ST6GALNAC3: variants seen among roughly 807,000 people sequenced by gnomAD.
ST6GALNAC3 encodes the protein alpha-N-acetylgalactosaminide alpha-2,6-sialyltransferase 3.
Under a neutral mutation model 32.7 loss-of-function variants are expected in ST6GALNAC3, and 25 were observed. That is an observed-to-expected ratio of 0.76 (90% CI 0.56 to 1.07). The LOEUF is 1.07. Among genes scored for constraint, ST6GALNAC3 ranks in the 50% least tolerant of loss-of-function variants. The pLI is 0.00. For missense variants in ST6GALNAC3, 355 were observed against 382.4 expected, an observed-to-expected ratio of 0.93 and a Z score of 0.60; for synonymous variants, 129 against 133.1, an observed-to-expected ratio of 0.97 and a Z score of 0.21.
At chr1:76,195,234 A>G (rs945748394) in intron 1 of ST6GALNAC3, among the ~76,000 whole-genome samples, 1 of 152,348 alleles carries the variant, frequency 6.6e-6, no homozygotes, top group Non-Finnish European at 1.5e-5. Context: ...ACATCTGCCA[A>G]CTGCCCACAT....
At chr1:76,205,603 G>A (rs565594463) in intron 1 of ST6GALNAC3, among the ~76,000 whole-genome samples, 1 of 152,290 alleles carries the variant, frequency 6.6e-6, no homozygotes, top group South Asian at 2.1e-4. Context: ...AAGTTAGCAT[G>A]CAGTTATGAA....
At chr1:76,198,557 T>C (rs2100531079) in intron 1 of ST6GALNAC3, among the ~76,000 whole-genome samples, 1 of 152,290 alleles carries the variant, frequency 6.6e-6, no homozygotes, top group Non-Finnish European at 1.5e-5. Flanking sequence ...ACACTTAAGA[T>C]ATAATTAGGA....
intron 1 of ST6GALNAC3, among the ~76,000 whole-genome samples, chr1:76,080,661 A>T (rs1646881733): frequency 6.6e-6 from 1 of 152,038 alleles, no homozygotes; most frequent in Non-Finnish European, 1.5e-5. Flanking sequence ...TCAAAAACCA[A>T]ACACCCACAA....
intron 3 of ST6GALNAC3, among the ~76,000 whole-genome samples, chr1:76,522,776 G>A (rs1268298518): frequency 6.6e-6 from 1 of 152,162 alleles, no homozygotes; most frequent in Non-Finnish European, 1.5e-5. Flanking sequence ...TTAAAGCGGT[G>A]ATCAGATTAA....
chr1:76,186,907 T>A (rs1215750340), intron 1 of ST6GALNAC3, among the ~76,000 whole-genome samples: 1 of 152,206 alleles, frequency 6.6e-6, no homozygotes, highest in African/African-American at 2.4e-5. Context: ...AGATGAGCAG[T>A]GTTTTCACCT....
At chr1:76,222,778 C>T (rs1279364433) in intron 1 of ST6GALNAC3, among the ~76,000 whole-genome samples, 1 of 152,036 alleles carries the variant, frequency 6.6e-6, no homozygotes, top group Non-Finnish European at 1.5e-5. Context: ...GACATGCAAA[C>T]AGCTGACAAG....
intron 1 of ST6GALNAC3, among the ~76,000 whole-genome samples, chr1:76,252,244 A>G (rs1657663013): frequency 6.6e-6 from 1 of 152,182 alleles, no homozygotes; most frequent in South Asian, 2.1e-4. Flanking sequence ...TTTAGAAGTC[A>G]GAAGAGATTT....
chr1:76,422,600 C>T (rs1655099264), intron 3 of ST6GALNAC3, among the ~76,000 whole-genome samples: 1 of 151,996 alleles, frequency 6.6e-6, no homozygotes, highest in South Asian at 2.1e-4. Context: ...GATTAAAACA[C>T]AGATTGCTGG....
In ST6GALNAC3 at chr1:76,127,612, G is replaced by T. The variant is rs888545095; in HGVS notation, c.18+52728G>T. On this transcript the variant is annotated intron_variant, in intron 1 of 4. Transcript: ENST00000328299. ...AATATTTTACATGGATTATGTCATG[G>T]ATCTCTTGCCATGATCCTGAGGAAA... 5.3e-5 allele frequency among the ~76,000 whole-genome samples: 8 copies of T among 152,166 alleles called. No individual in the cohort carries two copies. In the East Asian group the frequency reaches 1.5e-3, roughly 29 times the overall value.
intron 3 of ST6GALNAC3, among the ~76,000 whole-genome samples, chr1:76,450,117 G>C (rs1429522601): frequency 3.9e-5 from 6 of 152,248 alleles, no homozygotes; most frequent in African/African-American, 1.4e-4. Context: ...GGATCAAATG[G>C]TAGTTCTACT....
chr1:76,630,235 A>G lies in ST6GALNAC3; in HGVS notation c.*1429A>G. On this transcript the variant is annotated 3_prime_UTR_variant, in exon 5 of 5. Transcript: ENST00000328299. ...TCTGTGCCAAATACATTATATCAGG[A>G]TTACACAAAAAGTATCACAAAGGAT... 1 of 985,252 alleles carries G rather than the reference A, an allele frequency of 1.0e-6. No homozygotes were observed. Among genetic ancestry groups the G allele is most frequent in the East Asian group, 1.1e-4 (1 of 8,810 alleles). 61.0% of individuals were successfully genotyped at this position (985,252 alleles called of 1,614,324 possible). A position where few individuals can be genotyped will look rare whatever the true frequency, so the allele number is the denominator to read the frequency against.
intron 3 of ST6GALNAC3, among the ~76,000 whole-genome samples, chr1:76,583,924 AT>A (rs548207175): frequency 1.3e-5 from 2 of 152,170 alleles, no homozygotes; most frequent in African/African-American, 4.8e-5. Context: ...AGATCTCCAT[AT>A]TTTTTTCAGG....
intron 3 of ST6GALNAC3, among the ~76,000 whole-genome samples, chr1:76,604,073 G>A (rs1363710718): frequency 1.3e-5 from 2 of 152,136 alleles, no homozygotes; most frequent in African/African-American, 2.4e-5. Context: ...GCCTTGCAAA[G>A]TCGCAGTCCT....
chr1:76,267,733 A>G (rs1180936220), intron 1 of ST6GALNAC3, among the ~76,000 whole-genome samples: 3 of 152,240 alleles, frequency 2.0e-5, no homozygotes, highest in Non-Finnish European at 4.4e-5. Flanking sequence ...ATTCATGGCA[A>G]CTGAAACCCT....
chr1:76,349,883 G>A (rs1164159466), intron 2 of ST6GALNAC3, among the ~76,000 whole-genome samples: 3 of 152,194 alleles, frequency 2.0e-5, no homozygotes, highest in Non-Finnish European at 4.4e-5. Context: ...TGTCCAGCAA[G>A]ATGAGGGTAT....
rs1238818153 is a variant in ST6GALNAC3, at chr1:76,524,094, T to TA, written c.624-103351dup. On this transcript the variant is annotated intron_variant, in intron 3 of 4. Transcript: ENST00000328299. ...GATGATTTTTGTGTTTGTTTTGTTT[T>TA]AAAAAAATCAACAGGTAAATCAATC... Among the ~76,000 whole-genome samples, 6 of 152,168 alleles carry TA rather than the reference T, an allele frequency of 3.9e-5. No individual in the cohort carries two copies. The South Asian group carries it at 6.2e-4, about 16-fold the overall frequency.
chr1:76,131,908 A>G (rs1355675275), intron 1 of ST6GALNAC3, among the ~76,000 whole-genome samples: 1 of 152,078 alleles, frequency 6.6e-6, no homozygotes, highest in African/African-American at 2.4e-5. Flanking sequence ...CCAAAATGTC[A>G]TTACCCATAG....
chr1:76,454,063 T>G (rs1657595108), intron 3 of ST6GALNAC3, among the ~76,000 whole-genome samples: 1 of 152,154 alleles, frequency 6.6e-6, no homozygotes, highest in South Asian at 2.1e-4. Context: ...CTGCTGTTGC[T>G]TTAATGTTTG....
At chr1:76,564,575 ATTTTTTTTTTTTTT>A (rs200008546) in intron 3 of ST6GALNAC3, among the ~76,000 whole-genome samples, 35 of 126,236 alleles carry the variant, frequency 2.8e-4, no homozygotes, top group Middle Eastern at 4.1e-3. Context: ...TGAATGCAGC[ATTTTTTTTTTTTTT>A]TTTTTTTTTT....
Sources: gnomAD v4.1 joint callset for allele counts (sites outside exome capture counted in the v4.1 genomes callset) on GRCh38, gnomAD v4.1.1 for gene constraint, MANE v1.5 for transcripts, NCBI Gene and HGNC (gene_info 2026-07-23, HGNC 2026-07-21) for gene names.